The following HVCN1 variants were observed in gnomAD, a reference collection of about 807,000 sequenced individuals.
The protein encoded by HVCN1 is voltage-gated hydrogen channel 1.
A neutral mutation model predicts 29.2 loss-of-function variants in HVCN1; 14 were observed. The observed-to-expected ratio is 0.48, with a 90% CI of 0.32 to 0.75. The LOEUF is 0.75. Among genes scored for constraint, HVCN1 ranks in the 30% least tolerant of loss-of-function variants. HVCN1 has a pLI of 0.04. For synonymous variants in HVCN1, 131 were observed against 133.2 expected, an observed-to-expected ratio of 0.98 and a Z score of 0.11; for missense variants, 263 against 341.8, an observed-to-expected ratio of 0.77 and a Z score of 1.82.
chr12:110,655,366 T>C (rs1593441084), intron 4 of HVCN1, 28 bp from the exon 5 acceptor site: 1 of 1,551,328 alleles, frequency 6.4e-7, no homozygotes, highest in Non-Finnish European at 8.9e-7. Flanking sequence ...GTGCCAGAGA[T>C]CATGAGACCC....
At chr12:110,693,736 A>G (rs997756429), upstream of HVCN1, among the ~76,000 whole-genome samples, 1 of 152,154 alleles carries the variant, frequency 6.6e-6, no homozygotes, top group East Asian at 1.9e-4. Flanking sequence ...AACTCCATCT[A>G]TTTATTACAA....
chr12:110,682,344 C>T (rs556304768), intron 3 of HVCN1, among the ~76,000 whole-genome samples: 66 of 152,116 alleles, frequency 4.3e-4, no homozygotes, highest in African/African-American at 5.1e-4. Context: ...GGATTACAGG[C>T]GCATGTCACC....
intron 3 of HVCN1, among the ~76,000 whole-genome samples, chr12:110,677,929 G>A (rs2068801606): frequency 1.3e-5 from 2 of 152,210 alleles, no homozygotes; most frequent in South Asian, 2.1e-4. Flanking sequence ...GAGCCGGTCA[G>A]CCTGGTGAGA....
chr12:110,670,262 C>A (rs2068528935), intron 3 of HVCN1, among the ~76,000 whole-genome samples: 1 of 152,160 alleles, frequency 6.6e-6, no homozygotes, highest in African/African-American at 2.4e-5. Context: ...GGGAAAGTCC[C>A]TAGTTCATTG....
chr12:110,653,325 T>G (rs1170973908), intron 5 of HVCN1, among the ~76,000 whole-genome samples: 1 of 151,832 alleles, frequency 6.6e-6, no homozygotes, highest in East Asian at 1.9e-4. Context: ...CTGGGTGTGG[T>G]GGTGCATGTC....
In HVCN1 at chr12:110,661,407, C is replaced by G; in HGVS notation, c.63G>C (p.Met21Ile). ...RRAKVAPAER[M>I]SKFLRHFTVV... ...CCGTGAAGTGCCTTAAGAACTTGCTCATCCTCTCAGCGGGAGCCACCTTGG... is the reference window on the plus strand; with the variant it reads ...CCGTGAAGTGCCTTAAGAACTTGCTGATCCTCTCAGCGGGAGCCACCTTGG... Residue 21 changes from methionine to isoleucine, a missense_variant, in exon 4 of 8, where the codon ATG becomes ATC. Coordinates refer to ENST00000242607, the MANE Select transcript of HVCN1 (RefSeq NM_032369.4). The surrounding 1 kb of genome is among the most constrained non-coding windows in gnomAD (Gnocchi z 6.2). 6.2e-7 allele frequency: 1 copy of G among 1,614,198 alleles called. No individual in the cohort carries two copies. Among genetic ancestry groups the G allele is most frequent in the Non-Finnish European group, 8.5e-7 (1 of 1,180,026 alleles).
chr12:110,657,876 T>C (rs544221472), intron 4 of HVCN1, among the ~76,000 whole-genome samples: 36 of 152,308 alleles, frequency 2.4e-4, no homozygotes, highest in Admixed American at 2.2e-3. Context: ...GTCCGTGCCG[T>C]GGGGCGGCCA....
intron 2 of HVCN1, among the ~76,000 whole-genome samples, chr12:110,686,162 C>T (rs557784254): frequency 6.6e-6 from 1 of 151,880 alleles, no homozygotes; most frequent in African/African-American, 2.4e-5. Context: ...CCACGCCCAG[C>T]TAAAATTTTT....
intron 7 of HVCN1, 115 bp downstream of exon 7, chr12:110,650,053 C>T: frequency 1.5e-6 from 1 of 656,160 alleles, no homozygotes; most frequent in Non-Finnish European, 2.8e-6. Context: ...CCATGTTGGT[C>T]AGGCTGGTCT....
chr12:110,655,583 C>T (rs1274873934), intron 4 of HVCN1, among the ~76,000 whole-genome samples: 6 of 152,204 alleles, frequency 3.9e-5, no homozygotes, highest in South Asian at 2.1e-4. Flanking sequence ...TGCCTCTAGG[C>T]GCTGCCCACC....
chr12:110,671,277 T>C (rs1381375337), intron 3 of HVCN1, among the ~76,000 whole-genome samples: 1 of 152,050 alleles, frequency 6.6e-6, no homozygotes, highest in Non-Finnish European at 1.5e-5. Flanking sequence ...GCCGAGATCA[T>C]GCCATTGCAC....
At chr12:110,672,327 C>T (rs990097988) in intron 3 of HVCN1, among the ~76,000 whole-genome samples, 1 of 152,156 alleles carries the variant, frequency 6.6e-6, no homozygotes, top group Non-Finnish European at 1.5e-5. Flanking sequence ...ACAAGAGACT[C>T]CCACGTGCAC....
chr12:110,695,271 CACAT>C (rs565846453), intron 2 of HVCN1, among the ~76,000 whole-genome samples: 1 of 149,114 alleles, frequency 6.7e-6, no homozygotes, highest in South Asian at 2.1e-4. Context: ...TACACACACA[CACAT>C]ATATATACAC....
intron 6 of HVCN1, 98 bp downstream of exon 6, chr12:110,651,119 T>C (rs1239617128): frequency 1.2e-6 from 1 of 837,898 alleles, no homozygotes; most frequent in Admixed American, 2.2e-5. Context: ...CAGGAGCCAC[T>C]GTGAGCTCAG....
chr12:110,704,700 C>T (rs1160725059), intron 1 of HVCN1, among the ~76,000 whole-genome samples: 3 of 152,142 alleles, frequency 2.0e-5, no homozygotes, highest in Non-Finnish European at 4.4e-5. Flanking sequence ...ACACACCTCC[C>T]CAGGTAAACA....
At chr12:110,663,587 C>CAAAAAAAAAAAAAA in intron 3 of HVCN1, among the ~76,000 whole-genome samples, 1 of 25,806 alleles carries the variant, frequency 3.9e-5, no homozygotes, top group Non-Finnish European at 8.0e-5. Context: ...GACGCTGTCT[C>CAAAAAAAAAAAAAA]AAAAAAAAAA....
In HVCN1 at chr12:110,658,053, C is replaced by T. The variant is rs897886556; in HGVS notation, c.307-2715G>A. On this transcript the variant is annotated intron_variant, in intron 4 of 7. Coordinates refer to ENST00000242607, the MANE Select transcript of HVCN1 (RefSeq NM_032369.4). This position sits in a 1 kb window ranked among gnomAD's most constrained non-coding sequence, Gnocchi z 5.0. ...TGAAGTATGAAGGGCGCTTAGCACA[C>T]GGCTGGCCTGCGGTGCATGGGAATG... Among the ~76,000 whole-genome samples the T allele has an allele frequency of 5.9e-5, 9 of 152,162 alleles. No individual in the cohort carries two copies. The highest frequency in any genetic ancestry group is 5.9e-4 in the Admixed American group (9 of 15,276).
chr12:110,679,859 CAAAA>C (rs370385245), intron 3 of HVCN1, among the ~76,000 whole-genome samples: 1 of 88,214 alleles, frequency 1.1e-5, no homozygotes, highest in Non-Finnish European at 2.4e-5. Context: ...GACTCCGTCT[CAAAA>C]AAAAAAAAAA....
chr12:110,698,570 T>C (rs1042837030), intron 2 of HVCN1, among the ~76,000 whole-genome samples: 3 of 151,958 alleles, frequency 2.0e-5, no homozygotes, highest in African/African-American at 4.8e-5. Context: ...GGAGTCTACA[T>C]TGAACTCCCT....
Sources: allele counts gnomAD v4.1 joint callset (sites outside exome capture counted in the v4.1 genomes callset), GRCh38; gene constraint gnomAD v4.1.1; non-coding constraint Gnocchi (gnomAD v3.1); transcripts MANE v1.5; gene names NCBI Gene and HGNC (gene_info 2026-07-23, HGNC 2026-07-21).